The following CNTN6 variants were observed in gnomAD, a reference collection of about 807,000 sequenced individuals.
CNTN6 encodes the protein contactin-6.
A neutral mutation model predicts 122.8 loss-of-function variants in CNTN6; 137 were observed. The observed-to-expected ratio is 1.12, with a 90% CI of 0.97 to 1.29. The LOEUF is 1.29. CNTN6 is among the 50% of genes most tolerant of loss of function. The probability of loss-of-function intolerance (pLI) is 0.00; values close to 1 mark genes in which losing one functional copy is unlikely to be tolerated. For synonymous variants in CNTN6, 570 were observed against 426.0 expected (o/e 1.34, Z -4.16); for missense variants, 1,634 against 1,223.4 (o/e 1.34, Z -5.01).
intron 12 of CNTN6, among the ~76,000 whole-genome samples, chr3:1,353,879 A>G (rs542976769): frequency 4.9e-4 from 74 of 151,722 alleles, no homozygotes; most frequent in Non-Finnish European, 8.3e-4. Flanking sequence ...GAAGGGATAG[A>G]AAACATCAGC....
At chr3:1,258,616 G>A (rs1450666131) in intron 4 of CNTN6, among the ~76,000 whole-genome samples, 1 of 152,032 alleles carries the variant, frequency 6.6e-6, no homozygotes, top group Admixed American at 6.6e-5. Context: ...AATAAAAGAA[G>A]TTTCAGTGTC....
chr3:1,098,278 T>A (rs2090647876), intron 1 of CNTN6, among the ~76,000 whole-genome samples: 1 of 151,958 alleles, frequency 6.6e-6, no homozygotes, highest in Non-Finnish European at 1.5e-5. Flanking sequence ...AGAAAGGGTA[T>A]ATTTGATTTT....
intron 2 of CNTN6, among the ~76,000 whole-genome samples, chr3:1,219,578 C>T (rs1178275424): frequency 6.6e-6 from 1 of 152,158 alleles, no homozygotes; most frequent in South Asian, 2.1e-4. Context: ...GAGTCTGTGA[C>T]TTGCCATTGA....
At chr3:1,154,658 G>A (rs1017596681) in intron 2 of CNTN6, among the ~76,000 whole-genome samples, 1 of 151,928 alleles carries the variant, frequency 6.6e-6, no homozygotes, top group Admixed American at 6.6e-5. Context: ...GGTCAGACTG[G>A]TCTCGAACTC....
At chr3:1,360,432 A>G (rs544678254) in intron 12 of CNTN6, among the ~76,000 whole-genome samples, 1 of 152,034 alleles carries the variant, frequency 6.6e-6, no homozygotes, top group Non-Finnish European at 1.5e-5. Flanking sequence ...TTTCTGAATA[A>G]TTTAATATTT....
At chr3:1,140,170 C>T (rs1257020144) in intron 1 of CNTN6, among the ~76,000 whole-genome samples, 1 of 152,184 alleles carries the variant, frequency 6.6e-6, no homozygotes, top group East Asian at 1.9e-4. Flanking sequence ...GGAAAGTCAA[C>T]ACTACAAATC....
intron 20 of CNTN6, 26 bp downstream of exon 20, chr3:1,385,823 C>G (rs756250399): frequency 3.8e-6 from 6 of 1,564,994 alleles, no homozygotes; most frequent in Non-Finnish European, 5.2e-6. Flanking sequence ...CTCCAGGAAA[C>G]AAGATTCATC....
At chr3:1,100,418 C>G (rs1327026377) in intron 1 of CNTN6, among the ~76,000 whole-genome samples, 1 of 152,062 alleles carries the variant, frequency 6.6e-6, no homozygotes, top group Admixed American at 6.5e-5. Flanking sequence ...CGTCTTTTCA[C>G]TCGGACAGAT....
At chr3:1,134,491 T>G (rs2092422074) in intron 1 of CNTN6, among the ~76,000 whole-genome samples, 6 of 152,044 alleles carry the variant, frequency 3.9e-5, no homozygotes, top group Admixed American at 3.9e-4. Flanking sequence ...CATAATCCCC[T>G]CCACACTGCT....
chr3:1,344,190 G>C (rs576631361), intron 11 of CNTN6, among the ~76,000 whole-genome samples: 1 of 152,030 alleles, frequency 6.6e-6, no homozygotes, highest in African/African-American at 2.4e-5. Flanking sequence ...GTGGGGTTCC[G>C]CAGGAAACAG....
At chr3:1,243,125 A>G (rs1253874068) in intron 4 of CNTN6, among the ~76,000 whole-genome samples, 3 of 152,148 alleles carry the variant, frequency 2.0e-5, no homozygotes, top group Admixed American at 6.5e-5. Flanking sequence ...GCCTTGGGCC[A>G]GAGTTCCAGG....
chr3:1,312,269 T>C (rs1333229199), intron 7 of CNTN6, among the ~76,000 whole-genome samples: 1 of 151,910 alleles, frequency 6.6e-6, no homozygotes. Flanking sequence ...GTTACAGTGC[T>C]GTTTCTAAAA....
intron 20 of CNTN6, 93 bp from the exon 21 acceptor site, chr3:1,401,340 T>C: frequency 1.0e-6 from 1 of 975,526 alleles, no homozygotes; most frequent in Non-Finnish European, 1.6e-6. Flanking sequence ...ATGCAAATCA[T>C]CGAAGACTTA....
chr3:1,198,910 C>T (rs1299667376), intron 2 of CNTN6, among the ~76,000 whole-genome samples: 2 of 151,938 alleles, frequency 1.3e-5, no homozygotes, highest in East Asian at 3.9e-4. Context: ...TTTGACTGGG[C>T]CTTAAATTCA....
intron 11 of CNTN6, among the ~76,000 whole-genome samples, chr3:1,345,549 AT>A (rs1268996098): frequency 7.9e-5 from 12 of 152,194 alleles, no homozygotes; most frequent in Non-Finnish European, 1.5e-4. Context: ...AAAATAAGAA[AT>A]TTTTAAAAGA....
At chr3:1,103,316 T>G (rs1480454415) in intron 1 of CNTN6, among the ~76,000 whole-genome samples, 1 of 152,166 alleles carries the variant, frequency 6.6e-6, no homozygotes, top group East Asian at 1.9e-4. Context: ...ATATATAAAT[T>G]TACCACAAAA....
chr3:1,157,226 TTTA>T (rs745898329), intron 2 of CNTN6, among the ~76,000 whole-genome samples: 2,539 of 150,740 alleles, frequency 0.017, 64 homozygotes, highest in African/African-American at 0.051. Context: ...ATTTAATTTA[TTTA>T]TTTATTTATG....
intron 4 of CNTN6, among the ~76,000 whole-genome samples, chr3:1,276,494 C>G (rs963086311): frequency 6.6e-6 from 1 of 152,126 alleles, no homozygotes; most frequent in Non-Finnish European, 1.5e-5. Context: ...ATGTATTGTA[C>G]GTACATAGCT....
intron 7 of CNTN6, among the ~76,000 whole-genome samples, chr3:1,300,555 GAAAAAGAA>G (rs767717201): frequency 2.5e-5 from 2 of 80,896 alleles, no homozygotes; most frequent in Non-Finnish European, 5.6e-5. Flanking sequence ...GAAAGAGAAA[GAAAAAGAA>G]AGAAAGAAAG....
Sources: gnomAD v4.1 joint callset for allele counts (sites outside exome capture counted in the v4.1 genomes callset) on GRCh38, gnomAD v4.1.1 for gene constraint, MANE v1.5 for transcripts, NCBI Gene and HGNC (gene_info 2026-07-23, HGNC 2026-07-21) for gene names.